Variants in CORO2B observed in about 807,000 individuals in gnomAD.
CORO2B encodes coronin-2B.
CORO2B carries 26 observed loss-of-function variants against 58.8 expected under a neutral mutation model. The observed-to-expected ratio is 0.44, with a 90% CI of 0.32 to 0.61. The LOEUF (loss-of-function observed/expected upper bound fraction) is 0.61, where lower values mean the gene tolerates loss of function less well. CORO2B is among the 20% of genes least tolerant of loss of function. CORO2B has a pLI of 0.04. For synonymous variants in CORO2B, 242 were observed against 253.8 expected (o/e 0.95, Z 0.44); for missense variants, 460 against 645.1 (o/e 0.71, Z 3.11).
At chr15:68,552,422 G>C in the CORO2B span, among the ~76,000 whole-genome samples, 1 of 126,040 alleles carries the variant, frequency 7.9e-6, no homozygotes, top group Admixed American at 1.0e-4. Context: ...GTGCAATCTA[G>C]AAAGGGCATA....
intron 7 of CORO2B, among the ~76,000 whole-genome samples, chr15:68,714,880 T>C (rs1399874747): frequency 6.6e-6 from 1 of 152,168 alleles, no homozygotes; most frequent in Non-Finnish European, 1.5e-5. Context: ...GGAGCGGGCT[T>C]TTACATTGGA....
chr15:68,631,902 G>T (rs2140260659), intron 1 of CORO2B: 1 of 979,732 alleles, frequency 1.0e-6, no homozygotes. Context: ...TAAATAGGCT[G>T]CTGGAATGGC....
At chr15:68,613,247 A>G (rs1255167523) in intron 1 of CORO2B, among the ~76,000 whole-genome samples, 5 of 152,334 alleles carry the variant, frequency 3.3e-5, no homozygotes, top group East Asian at 1.9e-4. Flanking sequence ...GACTATTACT[A>G]TGAGAGAGAA....
At chr15:68,567,361 GAGA>G in the CORO2B span, among the ~76,000 whole-genome samples, 2 of 152,250 alleles carry the variant, frequency 1.3e-5, no homozygotes, top group Non-Finnish European at 2.9e-5. Flanking sequence ...GGATAAGTAT[GAGA>G]AGAAGTGACA....
chr15:68,531,641 G>T, the CORO2B span, among the ~76,000 whole-genome samples: 1 of 148,630 alleles, frequency 6.7e-6, no homozygotes, highest in Non-Finnish European at 1.5e-5. Context: ...AAGAAGGAAA[G>T]AAAGAAAGAA....
the CORO2B span, among the ~76,000 whole-genome samples, chr15:68,530,197 C>T: frequency 1.0e-3 from 153 of 152,186 alleles, no homozygotes; most frequent in Middle Eastern, 3.4e-3. Flanking sequence ...TGGTGGCAGG[C>T]GCCTGTAGTC....
the CORO2B span, among the ~76,000 whole-genome samples, chr15:68,527,847 C>T: frequency 1.3e-3 from 193 of 152,262 alleles, no homozygotes; most frequent in African/African-American, 4.5e-3. Context: ...AAATCTTACA[C>T]ATATTTTGTC....
At chr15:68,656,348 C>A (rs1010283458) in intron 2 of CORO2B, among the ~76,000 whole-genome samples, 1 of 151,932 alleles carries the variant, frequency 6.6e-6, no homozygotes, top group Admixed American at 6.6e-5. Flanking sequence ...TCCACTCAGC[C>A]AAGACCTTGA....
the CORO2B span, among the ~76,000 whole-genome samples, chr15:68,547,347 G>A: frequency 6.6e-6 from 1 of 152,140 alleles, no homozygotes; most frequent in Non-Finnish European, 1.5e-5. Flanking sequence ...CCTAATTATA[G>A]TAATCATAAA....
intron 2 of CORO2B, among the ~76,000 whole-genome samples, chr15:68,672,159 G>GGTTGTGTGTGT (rs1555415404): frequency 6.8e-6 from 1 of 146,178 alleles, no homozygotes; most frequent in African/African-American, 2.5e-5. Context: ...GTAATCGGGA[G>GGTTGTGTGTGT]GTGTGTGTGT....
chr15:68,628,523 A>G (rs1470570525), intron 1 of CORO2B, among the ~76,000 whole-genome samples: 1 of 152,226 alleles, frequency 6.6e-6, no homozygotes, highest in East Asian at 1.9e-4. Flanking sequence ...CTCTTTATCC[A>G]TTTTGTAACA....
At chr15:68,544,864 C>G in the CORO2B span, among the ~76,000 whole-genome samples, 1 of 152,058 alleles carries the variant, frequency 6.6e-6, no homozygotes, top group Non-Finnish European at 1.5e-5. Flanking sequence ...GCAAGCTCCG[C>G]CTCCGGGGTT....
At chr15:68,534,139 C>A in the CORO2B span, among the ~76,000 whole-genome samples, 144,522 of 152,284 alleles carry the variant, frequency 0.95, 68,665 homozygotes, top group East Asian at 1. Context: ...GCCAAAACCA[C>A]CCCACCTAGA....
the CORO2B span, among the ~76,000 whole-genome samples, chr15:68,539,724 CTTA>C: frequency 6.6e-6 from 1 of 152,096 alleles, no homozygotes; most frequent in African/African-American, 2.4e-5. Context: ...TTTTGAAATA[CTTA>C]TTAATGCATT....
At chr15:68,612,392 G>A (rs1469919098) in intron 1 of CORO2B, among the ~76,000 whole-genome samples, 1 of 152,136 alleles carries the variant, frequency 6.6e-6, no homozygotes, top group East Asian at 1.9e-4. Context: ...GCGTGAGAAG[G>A]GGCAGAGAAA....
At chr15:68,660,026 G>T (rs902220668) in intron 2 of CORO2B, among the ~76,000 whole-genome samples, 2 of 152,150 alleles carry the variant, frequency 1.3e-5, no homozygotes, top group Admixed American at 6.5e-5. Flanking sequence ...GAGGTGGAAG[G>T]GAAGACAAGA....
At position 68,668,771 on chromosome 15, in the gene CORO2B, A is replaced by T. The variant is rs145354898; in HGVS notation, c.216+23411A>T. ...AGCTAAACAAAGAAATATGGTAACA[A>T]CACACCCCATAGAAAGCCAAAGACA... is the stretch of plus-strand genomic sequence containing the variant. On this transcript the variant is annotated intron_variant, in intron 2 of 11. Coordinates refer to ENST00000261861, the MANE Select transcript of CORO2B (RefSeq NM_006091.5). 1.7e-4 allele frequency among the ~76,000 whole-genome samples: 26 copies of T among 152,310 alleles called. No individual in the cohort carries two copies. In the East Asian group the frequency reaches 5.0e-3, roughly 29 times the overall value.
intron 1 of CORO2B, among the ~76,000 whole-genome samples, chr15:68,584,403 A>G (rs2140558853): frequency 6.6e-6 from 1 of 152,254 alleles, no homozygotes; most frequent in Non-Finnish European, 1.5e-5. Flanking sequence ...GAGGCTCTCC[A>G]GGGCTCCCAG....
intron 1 of CORO2B, among the ~76,000 whole-genome samples, chr15:68,626,787 C>G (rs1900693391): frequency 6.6e-6 from 1 of 152,186 alleles, no homozygotes; most frequent in Non-Finnish European, 1.5e-5. Context: ...AGTTAAGCAG[C>G]AAGGGCTGAG....
Sources: gnomAD v4.1 joint callset for allele counts (sites outside exome capture counted in the v4.1 genomes callset) on GRCh38, gnomAD v4.1.1 for gene constraint, MANE v1.5 for transcripts, NCBI Gene and HGNC (gene_info 2026-07-23, HGNC 2026-07-21) for gene names.